The following PARP4 variants were observed in gnomAD, a reference collection of about 807,000 sequenced individuals.
The protein encoded by PARP4 is protein mono-ADP-ribosyltransferase PARP4.
Under a neutral mutation model 187.7 loss-of-function variants are expected in PARP4, and 120 were observed. That is an observed-to-expected ratio of 0.64 (90% CI 0.55 to 0.74). The LOEUF (loss-of-function observed/expected upper bound fraction) is 0.74, where lower values mean the gene tolerates loss of function less well. Ranked by LOEUF, PARP4 falls within the 30% of genes least tolerant of loss-of-function variation. The probability of loss-of-function intolerance (pLI) is 0.00; values close to 1 mark genes in which losing one functional copy is unlikely to be tolerated. For synonymous variants in PARP4, 654 were observed against 740.9 expected (o/e 0.88, Z 1.90); for missense variants, 1,836 against 2,070.5 (o/e 0.89, Z 2.20).
chr13:24,487,074 A>G (rs1163270935), intron 10 of PARP4, among the ~76,000 whole-genome samples: 1 of 150,570 alleles, frequency 6.6e-6, no homozygotes, highest in African/African-American at 2.4e-5. Flanking sequence ...ATCCTAGCCA[A>G]CATGGTGAAA....
chr13:24,502,970 ACAGAGGGAACAG>A (rs947743269), intron 2 of PARP4, among the ~76,000 whole-genome samples: 1 of 152,250 alleles, frequency 6.6e-6, no homozygotes, highest in African/African-American at 2.4e-5. Flanking sequence ...CAATTCGTCA[ACAGAGGGAACAG>A]CAGAGGACAG....
At chr13:24,438,048 G>A (rs1172701319) in intron 30 of PARP4, among the ~76,000 whole-genome samples, 5 of 152,118 alleles carry the variant, frequency 3.3e-5, no homozygotes, top group Admixed American at 1.3e-4. Flanking sequence ...ATGAGCCACC[G>A]TGCCTGGCCT....
intron 1 of PARP4, among the ~76,000 whole-genome samples, chr13:24,504,811 G>A (rs992283818): frequency 4.0e-5 from 6 of 150,286 alleles, no homozygotes; most frequent in East Asian, 2.0e-4. Context: ...CTCCTGCCTC[G>A]GTCTCCCAAG....
At chr13:24,440,656 C>T (rs1386565156) in intron 30 of PARP4, among the ~76,000 whole-genome samples, 3 of 152,126 alleles carry the variant, frequency 2.0e-5, no homozygotes, top group Admixed American at 6.5e-5. Flanking sequence ...AGGACTGGGG[C>T]ACTGGGAAGG....
chr13:24,435,961 G>T (rs1870618702), intron 30 of PARP4, among the ~76,000 whole-genome samples: 1 of 150,380 alleles, frequency 6.6e-6, no homozygotes, highest in Admixed American at 6.7e-5. Context: ...AATGCCACCA[G>T]AGACATTCAA....
rs577110598 is a variant in PARP4, at chr13:24,470,657, A to G, written c.1915-632T>C. 7.9e-5 allele frequency among the ~76,000 whole-genome samples: 12 copies of G among 152,334 alleles called. No individual in the cohort carries two copies. In the East Asian group the frequency reaches 2.3e-3, roughly 29 times the overall value. On this transcript the variant is annotated intron_variant, in intron 15 of 33. Coordinates refer to ENST00000381989, the MANE Select transcript of PARP4 (RefSeq NM_006437.4). ...TAAGAAAAAACTCCTCAGACATACA[A>G]TAAACAGTAAGATTTTAAACATGTG... is the stretch of plus-strand genomic sequence containing the variant.
At chr13:24,468,718 T>C (rs1275295404) in intron 17 of PARP4, among the ~76,000 whole-genome samples, 1 of 152,214 alleles carries the variant, frequency 6.6e-6, no homozygotes, top group East Asian at 1.9e-4. Context: ...TATCACACTC[T>C]TATCAGAAGA....
At chr13:24,497,523 A>G (rs1159893693) in intron 6 of PARP4, among the ~76,000 whole-genome samples, 1 of 152,176 alleles carries the variant, frequency 6.6e-6, no homozygotes, top group Admixed American at 6.5e-5. Flanking sequence ...TGCACCCAGT[A>G]AACATTCCCT....
intron 12 of PARP4, among the ~76,000 whole-genome samples, chr13:24,480,726 G>A (rs1593634263): frequency 6.6e-6 from 1 of 152,364 alleles, no homozygotes; most frequent in East Asian, 1.9e-4. Context: ...TGAAGGCTCA[G>A]AGAGGTGAGG....
chr13:24,440,797 A>C (rs2137451023), intron 30 of PARP4, among the ~76,000 whole-genome samples: 1 of 152,336 alleles, frequency 6.6e-6, no homozygotes, highest in Non-Finnish European at 1.5e-5. Flanking sequence ...AACCTGACAG[A>C]GTTAAAAAAT....
intron 1 of PARP4, among the ~76,000 whole-genome samples, chr13:24,511,684 C>T (rs1357093264): frequency 2.0e-5 from 3 of 152,236 alleles, no homozygotes; most frequent in African/African-American, 7.2e-5. Context: ...GATTCTACAG[C>T]CTCCGCCTTC....
At chr13:24,506,240 C>G (rs1869661637) in intron 1 of PARP4, among the ~76,000 whole-genome samples, 1 of 152,154 alleles carries the variant, frequency 6.6e-6, no homozygotes, top group Non-Finnish European at 1.5e-5. Flanking sequence ...AGAGTTTGTC[C>G]GGAGTTGTTT....
intron 1 of PARP4, among the ~76,000 whole-genome samples, 195 bp downstream of exon 1, chr13:24,512,511 A>G (rs1442924859): frequency 3.9e-5 from 6 of 152,098 alleles, no homozygotes; most frequent in Non-Finnish European, 8.8e-5. Flanking sequence ...GAGCGGAACG[A>G]CCGCAATATC....
At chr13:24,427,153 T>C (rs1870101040) in intron 32 of PARP4, among the ~76,000 whole-genome samples, 1 of 152,116 alleles carries the variant, frequency 6.6e-6, no homozygotes, top group African/African-American at 2.4e-5. Context: ...GTTTTTAGGC[T>C]CCTGTTACAA....
intron 15 of PARP4, among the ~76,000 whole-genome samples, chr13:24,472,184 C>G (rs997174258): frequency 6.6e-6 from 1 of 152,018 alleles, no homozygotes; most frequent in African/African-American, 2.4e-5. Context: ...GGCATGGAGT[C>G]TGAGAGAATT....
In PARP4 at chr13:24,503,830, AT is replaced by A; in HGVS notation, c.-1-54del. 2.7e-6 allele frequency: 4 copies of A among 1,479,390 alleles called. No individual in the cohort carries two copies. The South Asian group carries it at 3.5e-5, about 13-fold the overall frequency. The allele number at this position is 1,479,390 out of a possible 1,614,324, so 91.6% of individuals were successfully genotyped here. ...CTCTCTTAAGTCAATATGACAGTGA[AT>A]TTAGAATTATTATACAAGCAAACTG... On this transcript the variant is annotated intron_variant, in intron 1 of 33. Transcript: ENST00000381989.
chr13:24,455,060 C>G lies in PARP4; in HGVS notation c.2715G>C (p.Leu905Phe), dbSNP rs751264344. Residue 905 changes from leucine (L) to phenylalanine (F), a missense_variant, in exon 22 of 34, where the codon TTG (leucine) becomes TTC (phenylalanine). Transcript: ENST00000381989. ...TATTTACTTTCTGCTTCTCACCCAC[C>G]AAGGACAGCGCATGCAAGGCGATTT... ...AKQIALHALS[L>F]VGEKQKVNII... 1.2e-6 allele frequency: 2 copies of G among 1,611,756 alleles called. No individual in the cohort carries two copies. The highest frequency in any genetic ancestry group is 1.1e-5 in the South Asian group (1 of 90,930).
chr13:24,506,883 T>C (rs369666462), intron 1 of PARP4, among the ~76,000 whole-genome samples: 1 of 152,192 alleles, frequency 6.6e-6, no homozygotes. Flanking sequence ...GGGACGCTCG[T>C]GCTGCGCAGG....
rs766767902 is a variant in PARP4 at position 24,442,769 on chromosome 13, G to C, written c.3448-84C>G. ...AAATCATTTTAAGATTCGTATTTCA[G>C]ACTAAATATTGAATTGCAGGTCCCA... On this transcript the variant is annotated intron_variant, in intron 28 of 33. Transcript: ENST00000381989. The C allele has an allele frequency of 4.7e-5, 35 of 737,218 alleles. 1 individual carries two copies. Among genetic ancestry groups the C allele is most frequent in the Non-Finnish European group, 8.1e-5 (34 of 420,384 alleles). The allele number at this position is 737,218 out of a possible 1,614,324, so 45.7% of individuals were successfully genotyped here.
Sources: gnomAD v4.1 joint callset for allele counts (sites outside exome capture counted in the v4.1 genomes callset) on GRCh38, gnomAD v4.1.1 for gene constraint, MANE v1.5 for transcripts, NCBI Gene and HGNC (gene_info 2026-07-23, HGNC 2026-07-21) for gene names.